The following CNTNAP5 variants were observed in gnomAD, a reference collection of about 807,000 sequenced individuals.
CNTNAP5 encodes the protein contactin-associated protein-like 5.
In CNTNAP5, 72 loss-of-function variants were observed where a neutral mutation model predicts 150.2. The observed-to-expected ratio is 0.48, with a 90% CI of 0.40 to 0.58. CNTNAP5 has a LOEUF of 0.58. Among genes scored for constraint, CNTNAP5 ranks in the 20% least tolerant of loss-of-function variants. The pLI is 0.00. For missense variants in CNTNAP5, 1,636 were observed against 1,626.2 expected (o/e 1.01, Z -0.10); for synonymous variants, 672 against 619.8 (o/e 1.08, Z -1.25).
chr2:124,873,772 T>C (rs75779721), intron 21 of CNTNAP5, among the ~76,000 whole-genome samples: 3,560 of 152,196 alleles, frequency 0.023, 76 homozygotes, highest in Non-Finnish European at 0.036. Context: ...GATTGCTTTG[T>C]AGGACATTTC....
At chr2:124,046,103 A>G (rs867321099) in intron 1 of CNTNAP5, among the ~76,000 whole-genome samples, 8 of 152,290 alleles carry the variant, frequency 5.3e-5, no homozygotes, top group South Asian at 2.1e-4. Context: ...GCTTTATTCT[A>G]GATGCTGGAA....
At chr2:124,894,789 G>A (rs1469423258) in intron 21 of CNTNAP5, among the ~76,000 whole-genome samples, 1 of 151,318 alleles carries the variant, frequency 6.6e-6, no homozygotes, top group Non-Finnish European at 1.5e-5. Flanking sequence ...CTGGGATCAA[G>A]CAATCCTCCT....
At chr2:124,659,150 T>C (rs1275626974) in intron 13 of CNTNAP5, among the ~76,000 whole-genome samples, 2 of 152,360 alleles carry the variant, frequency 1.3e-5, no homozygotes, top group Non-Finnish European at 2.9e-5. Flanking sequence ...TAAAAAGTGT[T>C]TGAAAATTTC....
At chr2:124,653,903 T>G (rs1316280334) in intron 13 of CNTNAP5, among the ~76,000 whole-genome samples, 23 of 60,500 alleles carry the variant, frequency 3.8e-4, no homozygotes, top group South Asian at 1.1e-3. Context: ...ATGCCCCCAC[T>G]GCCCCCAACC....
chr2:124,769,397 C>T (rs1040624478), intron 16 of CNTNAP5, among the ~76,000 whole-genome samples: 1 of 151,876 alleles, frequency 6.6e-6, no homozygotes, highest in Non-Finnish European at 1.5e-5. Context: ...AAAAAAATGC[C>T]CTGAAAGGCT....
chr2:124,159,032 T>C (rs1353094327), intron 1 of CNTNAP5, among the ~76,000 whole-genome samples: 1 of 152,230 alleles, frequency 6.6e-6, no homozygotes, highest in African/African-American at 2.4e-5. Flanking sequence ...AGAGAGGTTA[T>C]GTGAGGTGGC....
chr2:124,882,755 A>G (rs1677992639), intron 21 of CNTNAP5, among the ~76,000 whole-genome samples: 1 of 152,098 alleles, frequency 6.6e-6, no homozygotes, highest in Non-Finnish European at 1.5e-5. Context: ...GGTAATTTAT[A>G]AAGAAAAAGA....
At chr2:124,738,774 T>C (rs1461932122) in intron 13 of CNTNAP5, among the ~76,000 whole-genome samples, 3 of 150,420 alleles carry the variant, frequency 2.0e-5, no homozygotes. Context: ...AGTATCAAGG[T>C]CTGGGAGTCT....
At chr2:124,378,652 A>G (rs989899598) in intron 3 of CNTNAP5, among the ~76,000 whole-genome samples, 8 of 152,160 alleles carry the variant, frequency 5.3e-5, no homozygotes, top group African/African-American at 1.9e-4. Flanking sequence ...AAAATAGTGC[A>G]GACATGGTCG....
At chr2:124,204,264 C>T (rs1306594633) in intron 1 of CNTNAP5, among the ~76,000 whole-genome samples, 2 of 152,160 alleles carry the variant, frequency 1.3e-5, no homozygotes, top group Non-Finnish European at 2.9e-5. Flanking sequence ...CACCTTTTCT[C>T]CAGTTTCCAA....
intron 1 of CNTNAP5, among the ~76,000 whole-genome samples, chr2:124,208,717 G>A (rs552391949): frequency 1.8e-4 from 27 of 152,246 alleles, no homozygotes; most frequent in Admixed American, 7.2e-4. Context: ...CAGACCAAGA[G>A]GCCTAGTGAT....
intron 16 of CNTNAP5, among the ~76,000 whole-genome samples, chr2:124,764,503 A>G (rs886639743): frequency 6.6e-6 from 1 of 152,270 alleles, no homozygotes; most frequent in South Asian, 2.1e-4. Context: ...CATTCTATTC[A>G]TATTTAGGGT....
At chr2:124,231,831 A>C (rs1686628672) in intron 2 of CNTNAP5, among the ~76,000 whole-genome samples, 1 of 152,148 alleles carries the variant, frequency 6.6e-6, no homozygotes, top group African/African-American at 2.4e-5. Flanking sequence ...ATTCAATGTG[A>C]TAGCCCTCTA....
chr2:124,331,054 C>A (rs907450279), intron 3 of CNTNAP5, among the ~76,000 whole-genome samples: 2 of 152,084 alleles, frequency 1.3e-5, no homozygotes, highest in African/African-American at 2.4e-5. Context: ...TTACCAGAAA[C>A]TCATACTTGT....
chr2:124,474,968 C>A (rs1300179379), intron 7 of CNTNAP5, 86 bp downstream of exon 7: 3 of 1,159,942 alleles, frequency 2.6e-6, no homozygotes, highest in African/African-American at 3.2e-5. Flanking sequence ...TGAACCCATT[C>A]GTAATGTGTT....
At chr2:124,619,575 G>C (rs1677565513) in intron 12 of CNTNAP5, among the ~76,000 whole-genome samples, 1 of 151,940 alleles carries the variant, frequency 6.6e-6, no homozygotes, top group Non-Finnish European at 1.5e-5. Context: ...TTTTGGATGA[G>C]ATAAACATTT....
At position 124,780,360 on chromosome 2, in the gene CNTNAP5, T is replaced by C. The variant is rs772280221; in HGVS notation, c.2752+7343T>C. Among the ~76,000 whole-genome samples, 305 of 152,290 alleles carry C rather than the reference T, an allele frequency of 2.0e-3. 6 individuals carry two copies. Among genetic ancestry groups the C allele is most frequent in the Non-Finnish European group, 6.6e-4 (45 of 68,032 alleles). On this transcript the variant is annotated intron_variant, in intron 17 of 23. Transcript: ENST00000682447. ...ACATTTAAAGGACACACTCAATTGGTGTAATGGCTCCAGGGGGAAAGATCC... is the reference window on the plus strand; with the variant it reads ...ACATTTAAAGGACACACTCAATTGGCGTAATGGCTCCAGGGGGAAAGATCC...
intron 1 of CNTNAP5, among the ~76,000 whole-genome samples, chr2:124,070,020 C>T (rs1213642873): frequency 6.6e-6 from 1 of 151,822 alleles, no homozygotes; most frequent in Non-Finnish European, 1.5e-5. Context: ...TAAAGAGAAA[C>T]AATAAAAAGT....
At chr2:124,881,341 T>C in intron 21 of CNTNAP5, among the ~76,000 whole-genome samples, 1 of 151,696 alleles carries the variant, frequency 6.6e-6, no homozygotes, top group Non-Finnish European at 1.5e-5. Context: ...AAGATTTGGG[T>C]AATTCACTGG....
Sources: gnomAD v4.1 joint callset for allele counts (sites outside exome capture counted in the v4.1 genomes callset) on GRCh38, gnomAD v4.1.1 for gene constraint, MANE v1.5 for transcripts, NCBI Gene and HGNC (gene_info 2026-07-23, HGNC 2026-07-21) for gene names.